Variants in CACNA1G observed in about 807,000 individuals in gnomAD.
CACNA1G encodes the protein voltage-dependent T-type calcium channel subunit alpha-1G.
In CACNA1G, 67 loss-of-function variants were observed where a neutral mutation model predicts 219.4. The observed-to-expected ratio is 0.31, with a 90% CI of 0.25 to 0.37. The LOEUF (loss-of-function observed/expected upper bound fraction) is 0.37. Among genes scored for constraint, CACNA1G ranks in the 10% least tolerant of loss-of-function variants. The pLI is 1.00. For missense variants in CACNA1G, 2,380 were observed against 3,231.4 expected (o/e 0.74, Z 6.39); for synonymous variants, 1,296 against 1,345.3 (o/e 0.96, Z 0.80).
At chr17:50,577,695 G>T (rs879670731) in intron 8 of CACNA1G, among the ~76,000 whole-genome samples, 3 of 151,790 alleles carry the variant, frequency 2.0e-5, no homozygotes, top group Non-Finnish European at 2.9e-5. Context: ...GTGCCCATAT[G>T]GTGGTGTCCA....
At chr17:50,568,791 G>T in intron 1 of CACNA1G, 79 bp from the exon 2 acceptor site, 1 of 1,079,758 alleles carries the variant, frequency 9.3e-7, no homozygotes, top group East Asian at 2.4e-5. Flanking sequence ...GGAGGTAAAC[G>T]AGGAGGAGGT....
intron 9 of CACNA1G, among the ~76,000 whole-genome samples, chr17:50,588,216 T>C (rs2043389103): frequency 6.6e-6 from 1 of 152,146 alleles, no homozygotes; most frequent in South Asian, 2.1e-4. Flanking sequence ...ACACGTTGTG[T>C]ATCCAGTCCA....
intron 9 of CACNA1G, among the ~76,000 whole-genome samples, chr17:50,586,035 C>T (rs2042919090): frequency 6.6e-6 from 1 of 152,180 alleles, no homozygotes; most frequent in Non-Finnish European, 1.5e-5. Context: ...TCTGACGAGG[C>T]CTGTCCAGCC....
At chr17:50,598,243 G>T (rs1368127667) in intron 16 of CACNA1G, among the ~76,000 whole-genome samples, 1 of 152,190 alleles carries the variant, frequency 6.6e-6, no homozygotes, top group African/African-American at 2.4e-5. Flanking sequence ...TGGCCAGGCT[G>T]GTCTCAAATA....
chr17:50,616,325 T>C lies in CACNA1G; in HGVS notation c.4962T>C (p.Phe1654=), dbSNP rs2050593778. ...GCAACTACATCTTCACTGTCATCTT[T>C]GTCTTGGAGTCAGTTTTCAAACTTG... ...KICNYIFTVI[F]VLESVFKLVA... Residue 1654 remains phenylalanine (F), a synonymous_variant, in exon 28 of 38, where the codon TTT becomes TTC. Transcript: ENST00000359106. 1 of 1,613,806 alleles carries C rather than the reference T, an allele frequency of 6.2e-7. No homozygotes were observed. Among genetic ancestry groups the C allele is most frequent in the Non-Finnish European group, 8.5e-7 (1 of 1,179,814 alleles).
chr17:50,626,837 C>A lies in CACNA1G; in HGVS notation c.*86C>A. ...CTGGGCTATATTCCTGACAAAAGTTCCATATAGACACCAAGGAGGCGGAGG... is the reference window on the plus strand; with the variant it reads ...CTGGGCTATATTCCTGACAAAAGTTACATATAGACACCAAGGAGGCGGAGG... On this transcript the variant is annotated 3_prime_UTR_variant, in exon 38 of 38. Coordinates refer to ENST00000359106, the MANE Select transcript of CACNA1G (RefSeq NM_018896.5). This position sits in a 1 kb window ranked among gnomAD's most constrained non-coding sequence, Gnocchi z 4.3. The A allele has an allele frequency of 6.4e-7, 1 of 1,560,684 alleles. No homozygotes were observed.
intron 13 of CACNA1G, among the ~76,000 whole-genome samples, chr17:50,592,420 G>T (rs1568070422): frequency 6.6e-6 from 1 of 152,156 alleles, no homozygotes; most frequent in African/African-American, 2.4e-5. Flanking sequence ...GGACTCCTGA[G>T]CACAGTGCTC....
intron 26 of CACNA1G, among the ~76,000 whole-genome samples, chr17:50,613,035 C>T (rs1371995069): frequency 3.3e-5 from 5 of 152,220 alleles, no homozygotes; most frequent in Admixed American, 6.5e-5. Flanking sequence ...CATCGCCAGG[C>T]CCCAACTTTG....
chr17:50,618,993 C>T lies in CACNA1G; in HGVS notation c.5766C>T (p.Ser1922=). Residue 1922 remains serine, a synonymous_variant, in exon 33 of 38, where the codon TCC becomes TCT. Transcript: ENST00000359106. The surrounding 1 kb of genome is among the most constrained non-coding windows in gnomAD (Gnocchi z 5.3). The part of the protein sequence containing the change: ...AAHARSASHF[S]LEHPTDRQLF... ...ACGCGAGATCAGCCTCCCACTTTTCCCTGGAGCACCCCACGGTGAGCAGAC... is the reference window on the plus strand; with the variant it reads ...ACGCGAGATCAGCCTCCCACTTTTCTCTGGAGCACCCCACGGTGAGCAGAC... 1 of 1,530,974 alleles carries T rather than the reference C, an allele frequency of 6.5e-7. No homozygotes were observed. The highest frequency in any genetic ancestry group is 1.3e-5 in the South Asian group (1 of 78,050). 94.8% of individuals were successfully genotyped at this position (1,530,974 alleles called of 1,614,324 possible).
At position 50,571,742 on chromosome 17, in the gene CACNA1G, G is replaced by A; in HGVS notation, c.587-136G>A. The A allele has an allele frequency of 3.8e-6, 3 of 788,538 alleles. No homozygotes were observed. Among genetic ancestry groups the A allele is most frequent in the East Asian group, 5.3e-5 (2 of 38,076 alleles). The allele number at this position is 788,538 out of a possible 1,614,324, so 48.8% of individuals were successfully genotyped here. ...TCTGGGGAGTCAGAGGTGTCTGTTG[G>A]TCTCCCCTCCAGCTTGAGCCGGGCC... On this transcript the variant is annotated intron_variant, in intron 4 of 37. Transcript: ENST00000359106. The surrounding 1 kb of genome is among the most constrained non-coding windows in gnomAD (Gnocchi z 4.3).
chr17:50,621,608 G>T lies in CACNA1G; in HGVS notation c.5926-52G>T. ...AGAGCGCGTGTGTGCGTGTGCACGC[G>T]CGTGTGCGCTGTCCTGGTTTCTCAT... is the stretch of plus-strand genomic sequence containing the variant. On this transcript the variant is annotated intron_variant, in intron 34 of 37. Transcript: ENST00000359106. The surrounding 1 kb of genome is among the most constrained non-coding windows in gnomAD (Gnocchi z 4.6). 1.1e-5 allele frequency: 17 copies of T among 1,597,806 alleles called. No individual in the cohort carries two copies. Among genetic ancestry groups the T allele is most frequent in the Non-Finnish European group, 1.4e-5 (16 of 1,168,490 alleles).
intron 8 of CACNA1G, among the ~76,000 whole-genome samples, chr17:50,577,324 C>CG (rs1224368541): frequency 2.6e-5 from 4 of 151,934 alleles, no homozygotes; most frequent in Non-Finnish European, 4.4e-5. Context: ...AGGCCCTGAG[C>CG]GGGGGGCTTC....
At chr17:50,606,059 G>A (rs1235325148) in intron 23 of CACNA1G, 36 bp downstream of exon 23, 1 of 1,613,834 alleles carries the variant, frequency 6.2e-7, no homozygotes. Context: ...CTGTGGTGAA[G>A]GAGGCTGGAG....
At chr17:50,561,745 G>T in intron 1 of CACNA1G, 44 bp downstream of exon 1, 1 of 1,453,448 alleles carries the variant, frequency 6.9e-7, no homozygotes, top group Non-Finnish European at 9.1e-7. Flanking sequence ...TCAGAAGGGG[G>T]ACGGGCCGCA....
chr17:50,598,217 T>A (rs936151634), intron 16 of CACNA1G, among the ~76,000 whole-genome samples: 2 of 152,192 alleles, frequency 1.3e-5, no homozygotes, highest in South Asian at 4.1e-4. Flanking sequence ...TTAGTAGAGA[T>A]GAGGTTTCAC....
chr17:50,624,754 G>A (rs1428342857), intron 37 of CACNA1G, among the ~76,000 whole-genome samples: 4 of 152,234 alleles, frequency 2.6e-5, no homozygotes, highest in African/African-American at 9.6e-5. Context: ...GAGGCCTGGA[G>A]ACCAGAAGGG....
chr17:50,599,847 C>T lies in CACNA1G; in HGVS notation c.3678C>T (p.Asp1226=), dbSNP rs752544601. ...CACTGGATGGGGATGACGCCGATGA[C>T]GAGGGCAACCTGGTGAGGCCCCTGT... ...DPPLDGDDAD[D]EGNLSKGERV... is the part of the protein sequence containing the mutation. The change falls in exon 17 of 38, where the codon GAC becomes GAT. Residue 1226 remains aspartate (D), a synonymous_variant. Transcript: ENST00000359106. 2.9e-5 allele frequency: 46 copies of T among 1,606,696 alleles called. No individual in the cohort carries two copies. Among genetic ancestry groups the T allele is most frequent in the Middle Eastern group, 1.6e-4 (1 of 6,082 alleles).
chr17:50,624,660 C>A, intron 37 of CACNA1G, 131 bp downstream of exon 37: 2 of 949,384 alleles, frequency 2.1e-6, no homozygotes, highest in Non-Finnish European at 3.1e-6. Context: ...GGCTCAGTTG[C>A]AGATACCAGG....
In CACNA1G at chr17:50,618,364, T is replaced by C; in HGVS notation, c.5427+21T>C. The stretch of plus-strand genomic sequence containing the variant: ...TGAAGGTAAGGGCCCAGGGTTGGCC[T>C]AGGCTCCAGGGAGGCAGCCCCACTT... On this transcript the variant is annotated intron_variant, in intron 32 of 37. Transcript: ENST00000359106. The surrounding 1 kb of genome is among the most constrained non-coding windows in gnomAD (Gnocchi z 5.3). The C allele has an allele frequency of 6.2e-7, 1 of 1,608,904 alleles. No homozygotes were observed. Among genetic ancestry groups the C allele is most frequent in the East Asian group, 2.2e-5 (1 of 44,728 alleles).
Sources: gnomAD v4.1 joint callset for allele counts (sites outside exome capture counted in the v4.1 genomes callset) on GRCh38, gnomAD v4.1.1 for gene constraint, Gnocchi (gnomAD v3.1) non-coding constraint, MANE v1.5 for transcripts, NCBI Gene and HGNC (gene_info 2026-07-23, HGNC 2026-07-21) for gene names.